CFI: variants seen among roughly 807,000 people sequenced by gnomAD.
CFI encodes the protein C3B/C4B inactivator.
In CFI, 66 loss-of-function variants were observed where a neutral mutation model predicts 78.8. The ratio of observed to expected loss-of-function variants is 0.84; its 90% confidence interval spans 0.69 to 1.03. CFI has a LOEUF of 1.03. CFI is among the 50% of genes least tolerant of loss of function. The probability of loss-of-function intolerance (pLI) is 0.00; values close to 1 mark genes in which losing one functional copy is unlikely to be tolerated. For missense variants in CFI, 706 were observed against 704.5 expected (o/e 1.00, Z -0.02); for synonymous variants, 250 against 232.6 (o/e 1.07, Z -0.68).
At chr4:109,777,089 A>G (rs1465242311) in intron 1 of CFI, among the ~76,000 whole-genome samples, 2 of 152,224 alleles carry the variant, frequency 1.3e-5, no homozygotes, top group African/African-American at 4.8e-5. Flanking sequence ...ACCAGCTAAC[A>G]TCATAATGAC....
intron 3 of CFI, among the ~76,000 whole-genome samples, chr4:109,763,850 C>T (rs939885680): frequency 1.1e-4 from 17 of 151,042 alleles, no homozygotes; most frequent in Non-Finnish European, 2.4e-4. Flanking sequence ...AGCAAACTAA[C>T]GTATTAATTA....
At chr4:109,733,096 C>T in the CFI span, among the ~76,000 whole-genome samples, 604 of 151,834 alleles carry the variant, frequency 4.0e-3, 5 homozygotes, top group African/African-American at 0.014. Context: ...CTCAGCCTCC[C>T]GAGTAGCTGG....
intron 3 of CFI, 141 bp from the exon 4 acceptor site, chr4:109,761,833 C>T: frequency 1.4e-6 from 1 of 707,038 alleles, no homozygotes; most frequent in Admixed American, 2.2e-5. Flanking sequence ...TACCGAAACT[C>T]TGAGCCTCAG....
chr4:109,767,961 G>A (rs1398209005), intron 1 of CFI, among the ~76,000 whole-genome samples: 3 of 151,992 alleles, frequency 2.0e-5, no homozygotes, highest in African/African-American at 7.3e-5. Context: ...CATAAAAAAT[G>A]ATGAGTTCAT....
In CFI at chr4:109,753,453, T is replaced by TTA. The variant is rs373765042; in HGVS notation, c.905-952_905-951dup. 5.2e-3 allele frequency among the ~76,000 whole-genome samples: 253 copies of TTA among 48,310 alleles called. 56 individuals carry two copies. Among genetic ancestry groups the TTA allele is most frequent in the African/African-American group, 0.025 (247 of 9,714 alleles). 31.7% of individuals were successfully genotyped at this position (48,310 alleles called of 152,430 possible). On this transcript the variant is annotated intron_variant, in intron 7 of 12. Transcript: ENST00000394634. ...AATATATTTATTATATAATAAATAT[T>TTA]TATATATATATTTATATTAATAAAT...
Position 109,740,865 on chromosome 4 carries a change from G to A in CFI, c.*28C>T, listed in dbSNP as rs533676450. ...TTAAATGGAACTCTTGAGAGAAAAA[G>A]AATAGAATGAAGAGAGAGATCACAA... On this transcript the variant is annotated 3_prime_UTR_variant, in exon 13 of 13. Transcript: ENST00000394634. The A allele has an allele frequency of 2.5e-6, 4 of 1,574,108 alleles. No homozygotes were observed. The African/African-American group carries it at 4.0e-5, about 16-fold the overall frequency.
At position 109,760,366 on chromosome 4, in the gene CFI, CT is replaced by C. The variant is rs760688154; in HGVS notation, c.786del (p.Gly263AlafsTer37). On this transcript the variant is annotated frameshift_variant, in exon 6 of 13. Coordinates refer to ENST00000394634, the MANE Select transcript of CFI (RefSeq NM_000204.5). LOFTEE classifies it high-confidence loss of function. ...CAAACACCCGATTTGCAATGGAAGC[CT>C]TTGCCTTGGCATGCTGTGCAAACAT... is the stretch of plus-strand genomic sequence containing the variant. ...DELCCKACQG[K>X]GFHCKSGVCI... is the part of the protein sequence containing the mutation. 21 of 1,613,938 alleles carry C rather than the reference CT, an allele frequency of 1.3e-5. No homozygotes were observed. Among genetic ancestry groups the C allele is most frequent in the Non-Finnish European group, 1.5e-5 (18 of 1,179,824 alleles).
chr4:109,779,652 C>G (rs1312673494), intron 1 of CFI, among the ~76,000 whole-genome samples: 1 of 152,014 alleles, frequency 6.6e-6, no homozygotes, highest in Non-Finnish European at 1.5e-5. Context: ...TCATATGGAA[C>G]CAAAAAAGAG....
At position 109,746,379 on chromosome 4, in the gene CFI, G is replaced by T; in HGVS notation, c.1272C>A (p.Gly424=). ...RIIFHENYNA[G]TYQNDIALIE... The stretch of plus-strand genomic sequence containing the variant: ...TCAAAGCGATGTCATTTTGGTAAGT[G>T]CCTGCATTGTAGTTTTCATGGAAAA... Residue 424 remains glycine, a synonymous_variant, in exon 11 of 13, where the codon GGC becomes GGA. Coordinates refer to ENST00000394634, the MANE Select transcript of CFI (RefSeq NM_000204.5). 6.2e-7 allele frequency: 1 copy of T among 1,614,074 alleles called. No individual in the cohort carries two copies. The highest frequency in any genetic ancestry group is 8.5e-7 in the Non-Finnish European group (1 of 1,180,008).
rs1723889827 is a variant in CFI, at chr4:109,742,265, T to C, written c.1534+226A>G. 5.7e-6 allele frequency: 3 copies of C among 526,994 alleles called. No homozygotes were observed. In the Admixed American group the frequency reaches 9.6e-5, roughly 17 times the overall value. The allele number at this position is 526,994 out of a possible 1,614,324, so 32.6% of individuals were successfully genotyped here. ...TCCAGAGGCCGTGCTCTTAGTCACC[T>C]TGCTGTGCTGCTATAGAATCGCTTA... On this transcript the variant is annotated intron_variant, in intron 12 of 12. Coordinates refer to ENST00000394634, the MANE Select transcript of CFI (RefSeq NM_000204.5).
chr4:109,747,730 C>A (rs1048827205), intron 10 of CFI, among the ~76,000 whole-genome samples: 7 of 152,008 alleles, frequency 4.6e-5, no homozygotes, highest in Non-Finnish European at 8.8e-5. Flanking sequence ...GTTCCTCAAC[C>A]TTTTTGGCAC....
At chr4:109,755,262 C>A (rs1313519829) in intron 7 of CFI, among the ~76,000 whole-genome samples, 3 of 152,122 alleles carry the variant, frequency 2.0e-5, no homozygotes, top group African/African-American at 7.2e-5. Context: ...TGGAGAAACA[C>A]GCTTGATGTT....
chr4:109,788,389 A>G (rs1428981189), intron 1 of CFI, among the ~76,000 whole-genome samples: 1 of 152,112 alleles, frequency 6.6e-6, no homozygotes, highest in Admixed American at 6.6e-5. Context: ...TACAGAGTAT[A>G]TATTATGTTT....
chr4:109,768,334 T>TAAAAAAAAA (rs756365540), intron 1 of CFI, among the ~76,000 whole-genome samples: 16 of 63,176 alleles, frequency 2.5e-4, no homozygotes, highest in Middle Eastern at 0.012. Flanking sequence ...GAAGAAATCC[T>TAAAAAAAAA]AAAAAAAAAA....
chr4:109,748,527 A>T (rs1724750049), intron 10 of CFI, among the ~76,000 whole-genome samples: 1 of 152,208 alleles, frequency 6.6e-6, no homozygotes, highest in African/African-American at 2.4e-5. Flanking sequence ...TTCCCTAAGG[A>T]AGTGAAGATT....
At chr4:109,765,635 T>C (rs1170082691) in intron 2 of CFI, among the ~76,000 whole-genome samples, 3 of 152,114 alleles carry the variant, frequency 2.0e-5, no homozygotes, top group Non-Finnish European at 2.9e-5. Flanking sequence ...GTCTGAATGC[T>C]AGGGCCCCAG....
At chr4:109,779,663 C>A (rs1729732651) in intron 1 of CFI, among the ~76,000 whole-genome samples, 1 of 152,066 alleles carries the variant, frequency 6.6e-6, no homozygotes, top group Admixed American at 6.6e-5. Flanking sequence ...CAAAAAAGAG[C>A]CCACATTGCC....
chr4:109,786,446 A>G (rs965014785), intron 1 of CFI, among the ~76,000 whole-genome samples: 1 of 152,106 alleles, frequency 6.6e-6, no homozygotes, highest in African/African-American at 2.4e-5. Flanking sequence ...CGTTCATTAG[A>G]ACACAAACAA....
Position 109,756,731 on chromosome 4 carries a change from G to A in CFI, c.904+1032C>T, listed in dbSNP as rs183244914. On this transcript the variant is annotated intron_variant, in intron 7 of 12. Coordinates refer to ENST00000394634, the MANE Select transcript of CFI (RefSeq NM_000204.5). ...AAAAATTAGCCAGGTGTGGTGGCAC[G>A]TGCCTGTAATCTCAGCTACTCGGGA... Among the ~76,000 whole-genome samples the A allele has an allele frequency of 6.0e-4, 91 of 151,558 alleles. No homozygotes were observed. In the East Asian group the frequency reaches 9.4e-3, roughly 16 times the overall value.
Sources: allele counts gnomAD v4.1 joint callset (sites outside exome capture counted in the v4.1 genomes callset), GRCh38; gene constraint gnomAD v4.1.1; transcripts MANE v1.5; gene names NCBI Gene and HGNC (gene_info 2026-07-23, HGNC 2026-07-21).